The following MED31 variants were observed in gnomAD, a reference collection of about 807,000 sequenced individuals.
MED31 encodes the protein mediator of RNA polymerase II transcription subunit 31.
Under a neutral mutation model 22.0 loss-of-function variants are expected in MED31, and 11 were observed. The ratio of observed to expected loss-of-function variants is 0.50; its 90% CI spans 0.31 to 0.83. The LOEUF (loss-of-function observed/expected upper bound fraction) is 0.83, where lower values mean the gene tolerates loss of function less well. Ranked by LOEUF, MED31 falls within the 40% of genes least tolerant of loss-of-function variation. The pLI is 0.04. For missense variants in MED31, 122 were observed against 155.3 expected, an observed-to-expected ratio of 0.79 and a Z score of 1.14; for synonymous variants, 60 against 55.1, an observed-to-expected ratio of 1.09 and a Z score of -0.40.
rs1196025884 is a variant in MED31, at chr17:6,643,367, A to G, written c.*1100T>C. ...GTTATCTCCATCTGCAAAGCAACTG[A>G]TGATATTCCTGAAACCCCTTCTTTG... On this transcript the variant is annotated 3_prime_UTR_variant, in exon 4 of 4. Coordinates refer to ENST00000225728, the MANE Select transcript of MED31 (RefSeq NM_016060.3). 1.1e-5 allele frequency: 2 copies of G among 186,720 alleles called. No individual in the cohort carries two copies. The highest frequency in any genetic ancestry group is 2.2e-5 in the Non-Finnish European group (2 of 90,012). 11.6% of individuals were successfully genotyped at this position (186,720 alleles called of 1,614,324 possible). A position where few individuals can be genotyped will look rare whatever the true frequency, so the allele number is the denominator to read the frequency against.
At chr17:6,649,230 T>G (rs1212825575) in intron 3 of MED31, among the ~76,000 whole-genome samples, 1 of 134,964 alleles carries the variant, frequency 7.4e-6, no homozygotes, top group Non-Finnish European at 1.6e-5. Context: ...TTTTGTTTTT[T>G]TTTTTTAACC....
chr17:6,644,858 T>TA (rs1371960125), intron 3 of MED31, among the ~76,000 whole-genome samples, 199 bp from the exon 4 acceptor site: 1 of 152,232 alleles, frequency 6.6e-6, no homozygotes, highest in East Asian at 1.9e-4. Flanking sequence ...TGAGAAGGTT[T>TA]AAGTTCAGAA....
rs143471344 is a variant in MED31, at chr17:6,643,368, T to C, written c.*1099A>G. 4.3e-5 allele frequency: 8 copies of C among 185,530 alleles called. No individual in the cohort carries two copies. The East Asian group carries it at 1.2e-3, about 27-fold the overall frequency. The allele number at this position is 185,530 out of a possible 1,614,324, so 11.5% of individuals were successfully genotyped here. On this transcript the variant is annotated 3_prime_UTR_variant, in exon 4 of 4. Coordinates refer to ENST00000225728, the MANE Select transcript of MED31 (RefSeq NM_016060.3). ...TTATCTCCATCTGCAAAGCAACTGA[T>C]GATATTCCTGAAACCCCTTCTTTGA...
intron 3 of MED31, among the ~76,000 whole-genome samples, chr17:6,647,748 A>T (rs1056201509): frequency 2.0e-5 from 3 of 152,224 alleles, no homozygotes; most frequent in African/African-American, 7.2e-5. Flanking sequence ...TAGTAGTTAA[A>T]ATGACCAGGA....
intron 3 of MED31, among the ~76,000 whole-genome samples, chr17:6,649,221 T>G (rs1972801579): frequency 6.8e-6 from 1 of 146,332 alleles, no homozygotes; most frequent in Non-Finnish European, 1.5e-5. Flanking sequence ...TTTTGTTTTT[T>G]TTGTTTTTTT....
intron 3 of MED31, among the ~76,000 whole-genome samples, chr17:6,646,324 T>G (rs1231557582): frequency 6.6e-6 from 1 of 152,246 alleles, no homozygotes. Flanking sequence ...GTGAAATTAT[T>G]TCAAGTTGAA....
chr17:6,648,072 G>A (rs1972786312), intron 3 of MED31, among the ~76,000 whole-genome samples: 1 of 152,224 alleles, frequency 6.6e-6, no homozygotes, highest in Non-Finnish European at 1.5e-5. Flanking sequence ...AAGGATTTTA[G>A]TTGACATAAT....
intron 3 of MED31, among the ~76,000 whole-genome samples, chr17:6,647,654 TAC>T (rs1972783021): frequency 6.6e-6 from 1 of 152,228 alleles, no homozygotes. Context: ...ACACTAAAAA[TAC>T]ACAGTTGCTC....
rs1412969783 is a variant in MED31 at position 6,650,008 on chromosome 17, T to C, written c.177A>G (p.Lys59=). The C allele has an allele frequency of 6.2e-7, 1 of 1,604,716 alleles. No homozygotes were observed. Among genetic ancestry groups the C allele is most frequent in the Non-Finnish European group, 8.5e-7 (1 of 1,177,828 alleles). The part of the protein sequence containing the change: ...VNYLKYLLYW[K]DPEYAKYLKY... Reference sequence around the variant, plus strand: ...TTAGATACTTGGCATATTCTGGGTCTTTCCAGTAAAGCAAGTATTTAAGAT... The same window carrying C: ...TTAGATACTTGGCATATTCTGGGTCCTTCCAGTAAAGCAAGTATTTAAGAT... Residue 59 remains lysine, a synonymous_variant, in exon 3 of 4, where the codon AAA becomes AAG. Coordinates refer to ENST00000225728, the MANE Select transcript of MED31 (RefSeq NM_016060.3).
At chr17:6,649,917 GAA>G in intron 3 of MED31, 63 bp downstream of exon 3, 1 of 1,404,062 alleles carries the variant, frequency 7.1e-7, no homozygotes, top group Non-Finnish European at 9.4e-7. Context: ...TTGCCAATGT[GAA>G]ACTAAGAAAT....
chr17:6,650,579 C>A, intron 1 of MED31, 146 bp from the exon 2 acceptor site: 1 of 626,742 alleles, frequency 1.6e-6, no homozygotes, highest in Non-Finnish European at 2.7e-6. Flanking sequence ...AACCTTCCTT[C>A]GAAATCTAAG....
rs1327773304 is a variant in MED31, at chr17:6,644,614, G to A, written c.249C>T (p.His83=). 8 of 1,612,070 alleles carry A rather than the reference G, an allele frequency of 5.0e-6. No homozygotes were observed. The Admixed American group carries it at 8.4e-5, about 17-fold the overall frequency. ...LHMLELLQYE[H]FRKELVNAQC... ...GAGCATTCACCAGCTCCTTTCGGAA[G>A]TGTTCATATTGGAGCAGCTCTAACA... The change falls in exon 4 of 4, where the codon CAC becomes CAT. Residue 83 remains histidine, a synonymous_variant. Transcript: ENST00000225728.
intron 2 of MED31, 60 bp from the exon 3 acceptor site, chr17:6,650,138 T>C (rs1972814744): frequency 6.8e-7 from 1 of 1,468,528 alleles, no homozygotes; most frequent in South Asian, 1.2e-5. Flanking sequence ...TGTGATTTGT[T>C]ACCCCTAATA....
Position 6,644,639 on chromosome 17 carries a change from A to G in MED31, c.224T>C (p.Met75Thr), listed in dbSNP as rs564146197. 9.4e-6 allele frequency: 15 copies of G among 1,595,462 alleles called. No individual in the cohort carries two copies. Among genetic ancestry groups the G allele is most frequent in the East Asian group, 2.2e-5 (1 of 44,538 alleles). Residue 75 changes from methionine (M) to threonine (T), a missense_variant, in exon 4 of 4, where the codon ATG becomes ACG. Physicochemically the swap from Met to Thr is moderately conservative, Grantham distance 81. Coordinates refer to ENST00000225728, the MANE Select transcript of MED31 (RefSeq NM_016060.3). ...GTGTTCATATTGGAGCAGCTCTAAC[A>G]TGTGTAAACACTGAGGGTACCTGGG... The part of the protein sequence containing the change: ...KYLKYPQCLH[M>T]LELLQYEHFR...
intron 3 of MED31, 180 bp downstream of exon 3, chr17:6,649,802 A>T: frequency 1.8e-6 from 1 of 557,914 alleles, no homozygotes; most frequent in Non-Finnish European, 2.8e-6. Context: ...GTGGAAGCAC[A>T]GATAACCAGG....
At chr17:6,644,819 C>G (rs1461817826) in intron 3 of MED31, among the ~76,000 whole-genome samples, 160 bp from the exon 4 acceptor site, 1 of 152,176 alleles carries the variant, frequency 6.6e-6, no homozygotes, top group Non-Finnish European at 1.5e-5. Context: ...GATTAGTCAT[C>G]AAAGGTCAGT....
intron 3 of MED31, among the ~76,000 whole-genome samples, chr17:6,648,430 G>C (rs572139005): frequency 2.0e-5 from 3 of 152,330 alleles, no homozygotes. Flanking sequence ...TCTTCCACCA[G>C]GTGGAAAGCA....
chr17:6,644,386 A>G lies in MED31; in HGVS notation c.*81T>C. 1 of 1,441,162 alleles carries G rather than the reference A, an allele frequency of 6.9e-7. No homozygotes were observed. The highest frequency in any genetic ancestry group is 9.2e-7 in the Non-Finnish European group (1 of 1,088,790). 89.3% of individuals were successfully genotyped at this position (1,441,162 alleles called of 1,614,324 possible). ...TACCATAATAAAGGTAGATAGGAAG[A>G]GTTTTCATTTTTTTTGTCTTCACTG... On this transcript the variant is annotated 3_prime_UTR_variant, in exon 4 of 4. Transcript: ENST00000225728.
At position 6,651,586 on chromosome 17, in the gene MED31, G is replaced by C. The variant is rs530843738; in HGVS notation, c.-58C>G. 6.8e-6 allele frequency: 11 copies of C among 1,610,754 alleles called. No individual in the cohort carries two copies. The highest frequency in any genetic ancestry group is 9.3e-6 in the Non-Finnish European group (11 of 1,178,504). The stretch of plus-strand genomic sequence containing the variant: ...GACAGAGCAAAAGCCCAGAGACGCG[G>C]GCGAAGTTCCGGAAACCACGGCTCC... On this transcript the variant is annotated 5_prime_UTR_variant, in exon 1 of 4. Coordinates refer to ENST00000225728, the MANE Select transcript of MED31 (RefSeq NM_016060.3).
Sources: gnomAD v4.1 joint callset for allele counts (sites outside exome capture counted in the v4.1 genomes callset) on GRCh38, gnomAD v4.1.1 for gene constraint, MANE v1.5 for transcripts, NCBI Gene and HGNC (gene_info 2026-07-23, HGNC 2026-07-21) for gene names.